PCDHA2: variants seen among roughly 807,000 people sequenced by gnomAD.
PCDHA2 encodes the protein protocadherin alpha 2.
A neutral mutation model predicts 66.0 loss-of-function variants in PCDHA2; 58 were observed. The observed-to-expected ratio is 0.88, with a 90% CI of 0.71 to 1.09. The LOEUF is 1.09. PCDHA2 is among the 50% of genes least tolerant of loss of function. The probability of loss-of-function intolerance (pLI) is 0.00; values close to 1 mark genes in which losing one functional copy is unlikely to be tolerated. For synonymous variants in PCDHA2, 634 were observed against 554.0 expected (o/e 1.14, Z -2.03); for missense variants, 1,267 against 1,242.3 (o/e 1.02, Z -0.30).
chr5:140,886,014 CTA>C (rs1317969139), intron 1 of PCDHA2, among the ~76,000 whole-genome samples: 1 of 152,078 alleles, frequency 6.6e-6, no homozygotes, highest in Non-Finnish European at 1.5e-5. Flanking sequence ...AAGGGAGATG[CTA>C]TGTATTCTTC....
At chr5:140,817,928 G>A (rs1216034362) in intron 1 of PCDHA2, among the ~76,000 whole-genome samples, 1 of 152,154 alleles carries the variant, frequency 6.6e-6, no homozygotes, top group Non-Finnish European at 1.5e-5. Flanking sequence ...CTTTTGAGAT[G>A]ATGGCTGTCA....
chr5:140,907,616 GCT>G (rs1554193070), intron 1 of PCDHA2, among the ~76,000 whole-genome samples: 1 of 152,216 alleles, frequency 6.6e-6, no homozygotes, highest in Non-Finnish European at 1.5e-5. Context: ...CATATCAAGG[GCT>G]CAGTGTTGGT....
chr5:141,007,315 C>T (rs1207897662), intron 3 of PCDHA2, among the ~76,000 whole-genome samples: 1 of 148,308 alleles, frequency 6.7e-6, no homozygotes, highest in Non-Finnish European at 1.5e-5. Flanking sequence ...TTTTGGGAGG[C>T]TAAAGTGGAC....
At chr5:140,902,933 T>C (rs898632295) in intron 1 of PCDHA2, among the ~76,000 whole-genome samples, 56 of 152,346 alleles carry the variant, frequency 3.7e-4, no homozygotes, top group African/African-American at 1.2e-3. Flanking sequence ...GGTGTATATA[T>C]ACCACATTTT....
rs374659815 is a variant in PCDHA2 at position 140,871,353 on chromosome 5, G to A, written c.2388+74001G>A. 3.6e-5 allele frequency: 58 copies of A among 1,614,214 alleles called. No homozygotes were observed. The African/African-American group carries it at 5.1e-4, about 14-fold the overall frequency. ...GCGCGGTGGGGAGCTGGTCATACTC[G>A]CAGCAGAGGCGGCAGAGGGTGTGCT... On this transcript the variant is annotated intron_variant, in intron 1 of 3. Coordinates refer to ENST00000526136, the MANE Select transcript of PCDHA2 (RefSeq NM_018905.3).
chr5:140,883,096 T>G (rs2059436763), intron 1 of PCDHA2: 1 of 1,614,006 alleles, frequency 6.2e-7, no homozygotes, highest in Non-Finnish European at 8.5e-7. Flanking sequence ...CAAATGGAGA[T>G]ATAGTTTACT....
chr5:140,968,927 T>C (rs1554231254), intron 1 of PCDHA2: 3 of 1,614,090 alleles, frequency 1.9e-6, no homozygotes, highest in African/African-American at 1.3e-5. Flanking sequence ...TATATTTCTT[T>C]TGACAATCAT....
chr5:140,968,659 C>T, intron 1 of PCDHA2: 1 of 1,614,160 alleles, frequency 6.2e-7, no homozygotes, highest in East Asian at 2.2e-5. Flanking sequence ...CTGACCTGGA[C>T]CTCTTTAAGG....
intron 1 of PCDHA2, among the ~76,000 whole-genome samples, chr5:140,912,002 A>G (rs1452427916): frequency 6.6e-6 from 1 of 152,236 alleles, no homozygotes; most frequent in Admixed American, 6.5e-5. Context: ...ACAATAGGCC[A>G]TCTGCAAGCT....
At chr5:140,895,880 C>T (rs564030159) in intron 1 of PCDHA2, among the ~76,000 whole-genome samples, 4 of 152,240 alleles carry the variant, frequency 2.6e-5, no homozygotes, top group East Asian at 3.9e-4. Flanking sequence ...GGCGCGATCT[C>T]GGCTCACTGC....
At chr5:140,938,947 A>AT (rs1554212493) in intron 1 of PCDHA2, among the ~76,000 whole-genome samples, 1 of 152,094 alleles carries the variant, frequency 6.6e-6, no homozygotes, top group Non-Finnish European at 1.5e-5. Flanking sequence ...CATTCTTATA[A>AT]TGCTCTAGTC....
At chr5:140,955,771 A>G (rs527455823) in intron 1 of PCDHA2, among the ~76,000 whole-genome samples, 1 of 152,168 alleles carries the variant, frequency 6.6e-6, no homozygotes, top group Admixed American at 6.5e-5. Context: ...GATTCTGTCT[A>G]TCCATGAGCA....
chr5:140,906,262 A>AAT (rs2072503500), intron 1 of PCDHA2, among the ~76,000 whole-genome samples: 2 of 152,306 alleles, frequency 1.3e-5, no homozygotes, highest in African/African-American at 4.8e-5. Flanking sequence ...CACCTCCTGA[A>AAT]ATTATAGATA....
Position 140,796,759 on chromosome 5 carries a change from G to A in PCDHA2, c.1795G>A (p.Ala599Thr). 1 of 1,614,144 alleles carries A rather than the reference G, an allele frequency of 6.2e-7. No individual in the cohort carries two copies. Among genetic ancestry groups the A allele is most frequent in the Non-Finnish European group, 8.5e-7 (1 of 1,179,974 alleles). ...GGTGGCGAAGGTGCGCGCAGTGGAC[G>A]CTGACTCAGGCTACAACGCGTGGCT... ...HVVAKVRAVD[A>T]DSGYNAWLSY... is the part of the protein sequence containing the mutation. The change falls in exon 1 of 4, where the codon GCT becomes ACT. Residue 599 changes from alanine (A) to threonine (T), a missense_variant. Coordinates refer to ENST00000526136, the MANE Select transcript of PCDHA2 (RefSeq NM_018905.3).
chr5:140,830,136 C>A (rs782778260), intron 1 of PCDHA2: 1 of 1,613,258 alleles, frequency 6.2e-7, no homozygotes, highest in South Asian at 1.1e-5. Flanking sequence ...TCATCACGGG[C>A]GTCGGTGGGC....
At chr5:140,823,741 C>T (rs2150128632) in intron 1 of PCDHA2, 61 of 1,613,720 alleles carry the variant, frequency 3.8e-5, no homozygotes, top group Middle Eastern at 1.6e-4. Flanking sequence ...CCATGGAGAG[C>T]CCCCGCTGAC....
intron 1 of PCDHA2, chr5:140,884,715 AGTT>A: frequency 6.8e-7 from 1 of 1,470,936 alleles, no homozygotes; most frequent in Non-Finnish European, 9.0e-7. Context: ...CCTTCCTTGC[AGTT>A]GTTTGTTTAA....
At position 140,858,521 on chromosome 5, in the gene PCDHA2, A is replaced by T. The variant is rs782589492; in HGVS notation, c.2388+61169A>T. 6.3e-6 allele frequency: 9 copies of T among 1,420,880 alleles called. 2 individuals are homozygous for T. The African/African-American group carries it at 1.3e-4, about 20-fold the overall frequency. 88.0% of individuals were successfully genotyped at this position (1,420,880 alleles called of 1,614,324 possible). ...CATTTTCTCAAATATGTATCAGAAT[A>T]TTTCATTTTTGTCTACATTCCATTT... On this transcript the variant is annotated intron_variant, in intron 1 of 3. Transcript: ENST00000526136.
intron 1 of PCDHA2, chr5:140,842,302 T>C: frequency 6.2e-7 from 1 of 1,609,920 alleles, no homozygotes; most frequent in Middle Eastern, 1.7e-4. Context: ...ACAAAGGCCA[T>C]CCTCCCATGG....
Sources: allele counts gnomAD v4.1 joint callset (sites outside exome capture counted in the v4.1 genomes callset), GRCh38; gene constraint gnomAD v4.1.1; transcripts MANE v1.5; gene names NCBI Gene and HGNC (gene_info 2026-07-23, HGNC 2026-07-21).